The following DGKK variants were observed in gnomAD, a reference collection of about 807,000 sequenced individuals.
The protein encoded by DGKK is diacylglycerol kinase kappa, also known as 142 kDa diacylglycerol kinase.
A neutral mutation model predicts 92.2 loss-of-function variants in DGKK; 35 were observed. The ratio of observed to expected loss-of-function variants is 0.38; its 90% CI spans 0.29 to 0.50. DGKK has a LOEUF of 0.50. DGKK is among the 20% of genes least tolerant of loss of function. DGKK has a pLI of 0.92. For synonymous variants in DGKK, 368 were observed against 360.6 expected (o/e 1.02, Z -0.23); for missense variants, 910 against 992.2 (o/e 0.92, Z 1.11).
rs1459986660 is a variant in DGKK at position 50,397,144 on chromosome X, T to C, written c.1412-3809A>G. ...TGGCAGCATCAAGTGTGAAAAGAGC[T>C]TAGGGGACTTAGTTGACTTTAAGCT... On this transcript the variant is annotated intron_variant, in intron 8 of 27. Transcript: ENST00000611977. 2.7e-5 allele frequency among the ~76,000 whole-genome samples: 3 copies of C among 111,708 alleles called. No individual in the cohort carries two copies. The East Asian group carries it at 8.4e-4, about 31-fold the overall frequency.
rs1924263472 is a variant in DGKK, at chrX:50,376,078, A to G, written c.3360T>C (p.Phe1120=). 1.7e-6 allele frequency: 2 copies of G among 1,209,673 alleles called. No individual in the cohort carries two copies. Among genetic ancestry groups the G allele is most frequent in the African/African-American group, 3.5e-5 (2 of 57,294 alleles). ...NASANILNDI[F]YGQDSGNEMG... Reference sequence around the variant, plus strand: ...TCTCATTGCCACTGTCTTGGCCGTAAAATATATCATTCAGGATGTTAGCGC... The same window carrying G: ...TCTCATTGCCACTGTCTTGGCCGTAGAATATATCATTCAGGATGTTAGCGC... The change falls in exon 24 of 28, where the codon TTT becomes TTC. Residue 1120 remains phenylalanine (F), a synonymous_variant. Transcript: ENST00000611977.
chrX:50,470,729 G>T lies in DGKK; in HGVS notation c.-51C>A. The T allele has an allele frequency of 9.3e-7, 1 of 1,076,948 alleles. No homozygotes were observed. Among genetic ancestry groups the T allele is most frequent in the Non-Finnish European group, 1.2e-6 (1 of 833,304 alleles). The allele number at this position is 1,076,948 out of a possible 1,213,427, so 88.8% of individuals were successfully genotyped here. The stretch of plus-strand genomic sequence containing the variant: ...CAGCCTGAGTCCCTAAGCCTGGAAG[G>T]CTAAAGTACCCTCGGGCGCCCCGCC... On this transcript the variant is annotated 5_prime_UTR_variant, in exon 1 of 28. Transcript: ENST00000611977.
chrX:50,422,077 C>T (rs1381878913), intron 3 of DGKK, among the ~76,000 whole-genome samples: 1 of 111,743 alleles, frequency 8.9e-6, no homozygotes, highest in African/African-American at 3.3e-5. Context: ...TTATCTACCT[C>T]ATCAGAGGAG....
chrX:50,422,616 A>ACC (rs1440637999), intron 2 of DGKK, 90 bp from the exon 3 acceptor site: 1 of 438,546 alleles, frequency 2.3e-6, no homozygotes, highest in East Asian at 4.3e-5. Flanking sequence ...ACACACACAC[A>ACC]CACACACACA....
At chrX:50,457,824 T>G (rs1569545185) in intron 1 of DGKK, among the ~76,000 whole-genome samples, 1 of 111,809 alleles carries the variant, frequency 8.9e-6, no homozygotes, top group Admixed American at 9.5e-5. Flanking sequence ...TTTGGTGTAG[T>G]GTTCTTTGTC....
Position 50,419,330 on chromosome X carries a change from G to A in DGKK, c.942+1073C>T, listed in dbSNP as rs142351880. ...GAATGTATAGTTATGAGACTAAGTG[G>A]TCAAAAGCCTGAGAAGTCCTCGGGG... On this transcript the variant is annotated intron_variant, in intron 4 of 27. Coordinates refer to ENST00000611977, the MANE Select transcript of DGKK (RefSeq NM_001013742.4). Among the ~76,000 whole-genome samples the A allele has an allele frequency of 5.5e-4, 61 of 111,468 alleles. No homozygotes were observed. In the East Asian group the frequency reaches 0.016, roughly 28 times the overall value.
intron 4 of DGKK, among the ~76,000 whole-genome samples, chrX:50,408,854 A>G (rs1557227593): frequency 8.9e-6 from 1 of 111,925 alleles, no homozygotes; most frequent in Non-Finnish European, 1.9e-5. Context: ...TATTTACAAA[A>G]TGATATTTTG....
In DGKK at chrX:50,470,778, C is replaced by G. The variant is rs1457214580; in HGVS notation, c.-100G>C. ...CCCACTCCAGTCCGGCAGCCCCTCG[C>G]AGGGTGCCAAACTTTCCCCCATCCC... is the stretch of plus-strand genomic sequence containing the variant. On this transcript the variant is annotated 5_prime_UTR_variant, in exon 1 of 28. Coordinates refer to ENST00000611977, the MANE Select transcript of DGKK (RefSeq NM_001013742.4). The G allele has an allele frequency of 7.1e-6, 7 of 981,314 alleles. No homozygotes were observed. The highest frequency in any genetic ancestry group is 9.4e-6 in the Non-Finnish European group (7 of 748,356). The allele number at this position is 981,314 out of a possible 1,213,427, so 80.9% of individuals were successfully genotyped here.
intron 1 of DGKK, among the ~76,000 whole-genome samples, chrX:50,433,062 A>G (rs1468237735): frequency 8.9e-6 from 1 of 111,807 alleles, no homozygotes; most frequent in Non-Finnish European, 1.9e-5. Context: ...CCCGCCCAGA[A>G]CTACTTATAG....
At chrX:50,432,346 A>G (rs1925910067) in intron 1 of DGKK, among the ~76,000 whole-genome samples, 2 of 112,450 alleles carry the variant, frequency 1.8e-5, no homozygotes, top group Admixed American at 9.4e-5. Flanking sequence ...AATAGGCAAA[A>G]ACTTTAACCA....
intron 1 of DGKK, among the ~76,000 whole-genome samples, chrX:50,444,159 T>G (rs868920137): frequency 9.0e-6 from 1 of 111,392 alleles, no homozygotes; most frequent in Non-Finnish European, 1.9e-5. Context: ...AGTTCTCATT[T>G]CTCTGGAATA....
At chrX:50,398,297 C>T (rs782081261) in intron 8 of DGKK, among the ~76,000 whole-genome samples, 1 of 111,775 alleles carries the variant, frequency 8.9e-6, no homozygotes, top group East Asian at 2.8e-4. Context: ...AAAGATTCCT[C>T]TGGGATGGGA....
chrX:50,413,863 G>A (rs781827957), intron 4 of DGKK, among the ~76,000 whole-genome samples: 2 of 111,922 alleles, frequency 1.8e-5, no homozygotes, highest in South Asian at 7.6e-4. Flanking sequence ...CTAGGTATAT[G>A]TGAAAAGAAA....
At chrX:50,462,554 T>A (rs920118930) in intron 1 of DGKK, among the ~76,000 whole-genome samples, 1 of 109,610 alleles carries the variant, frequency 9.1e-6, no homozygotes, top group Non-Finnish European at 1.9e-5. Flanking sequence ...TCCTCTTGGA[T>A]GTGGAGAGGA....
intron 1 of DGKK, among the ~76,000 whole-genome samples, chrX:50,429,224 C>T (rs1925820121): frequency 9.0e-6 from 1 of 111,432 alleles, no homozygotes; most frequent in African/African-American, 3.3e-5. Context: ...CTTACTTTGT[C>T]CAAGTACCCA....
intron 4 of DGKK, among the ~76,000 whole-genome samples, chrX:50,415,594 T>C (rs899558465): frequency 1.8e-5 from 2 of 111,850 alleles, no homozygotes; most frequent in Non-Finnish European, 3.8e-5. Flanking sequence ...AAGCTGTGAG[T>C]CCACCATCGT....
At chrX:50,451,020 C>T (rs782771416) in intron 1 of DGKK, among the ~76,000 whole-genome samples, 42 of 111,427 alleles carry the variant, frequency 3.8e-4, no homozygotes, top group African/African-American at 1.3e-3. Context: ...AGTTACAAGG[C>T]CATCCTAGGA....
intron 1 of DGKK, among the ~76,000 whole-genome samples, chrX:50,438,730 A>T (rs1557231026): frequency 8.9e-6 from 1 of 111,911 alleles, no homozygotes; most frequent in Non-Finnish European, 1.9e-5. Context: ...CTGCTGTGTG[A>T]GCAAATCCTA....
intron 1 of DGKK, among the ~76,000 whole-genome samples, chrX:50,452,197 G>T (rs1212422576): frequency 9.0e-6 from 1 of 111,456 alleles, no homozygotes; most frequent in Non-Finnish European, 1.9e-5. Context: ...ACAGAGCTGG[G>T]ATTGCAACCC....
Sources: gnomAD v4.1 joint callset for allele counts (sites outside exome capture counted in the v4.1 genomes callset) on GRCh38, gnomAD v4.1.1 for gene constraint, MANE v1.5 for transcripts, NCBI Gene and HGNC (gene_info 2026-07-23, HGNC 2026-07-21) for gene names.